The following PLAA variants were observed in gnomAD, a reference collection of about 807,000 sequenced individuals.
PLAA encodes phospholipase A-2-activating protein.
A neutral mutation model predicts 84.1 loss-of-function variants in PLAA; 48 were observed. The ratio of observed to expected loss-of-function variants is 0.57; its 90% confidence interval spans 0.45 to 0.73. PLAA has a LOEUF of 0.73. PLAA is among the 30% of genes least tolerant of loss of function. PLAA has a pLI of 0.00. For synonymous variants in PLAA, 392 were observed against 336.6 expected (o/e 1.16, Z -1.80); for missense variants, 903 against 954.7 (o/e 0.95, Z 0.71).
chr9:26,934,643 A>G lies in PLAA; in HGVS notation c.343+370T>C, dbSNP rs963361252. Among the ~76,000 whole-genome samples the G allele has an allele frequency of 4.1e-4, 63 of 151,816 alleles. 2 individuals carry two copies. The highest frequency in any genetic ancestry group is 1.5e-3 in the African/African-American group (63 of 41,318). ...TACTGGTGGGCATCACCACACCTGGATAATTTTTGTATTTTTAGTAGAGGC... is the reference window on the plus strand; with the variant it reads ...TACTGGTGGGCATCACCACACCTGGGTAATTTTTGTATTTTTAGTAGAGGC... On this transcript the variant is annotated intron_variant, in intron 2 of 13. Coordinates refer to ENST00000397292, the MANE Select transcript of PLAA (RefSeq NM_001031689.3).
At chr9:26,937,663 T>C (rs1825404129) in intron 1 of PLAA, among the ~76,000 whole-genome samples, 1 of 151,898 alleles carries the variant, frequency 6.6e-6, no homozygotes, top group Non-Finnish European at 1.5e-5. Context: ...TCAAGAAAAT[T>C]ATGCATGAAG....
chr9:26,922,297 T>A (rs1390251342), intron 7 of PLAA, among the ~76,000 whole-genome samples: 2 of 150,554 alleles, frequency 1.3e-5, no homozygotes, highest in Admixed American at 6.6e-5. Flanking sequence ...TTTTTTTTTT[T>A]AAACTACAAC....
intron 11 of PLAA, among the ~76,000 whole-genome samples, chr9:26,912,109 G>A (rs1383464425): frequency 1.3e-5 from 2 of 152,148 alleles, no homozygotes; most frequent in Admixed American, 6.5e-5. Context: ...AAGAGTAGGC[G>A]ATCTAGCAAG....
intron 8 of PLAA, among the ~76,000 whole-genome samples, chr9:26,919,743 G>A (rs1366037781): frequency 2.0e-5 from 3 of 152,172 alleles, no homozygotes; most frequent in Non-Finnish European, 2.9e-5. Flanking sequence ...GGATGGGGGT[G>A]AGGATGAAGG....
At position 26,917,111 on chromosome 9, in the gene PLAA, G is replaced by C; in HGVS notation, c.1472C>G (p.Ala491Gly). 6.2e-7 allele frequency: 1 copy of C among 1,613,558 alleles called. No homozygotes were observed. Among genetic ancestry groups the C allele is most frequent in the Non-Finnish European group, 8.5e-7 (1 of 1,179,530 alleles). The part of the protein sequence containing the change: ...SSGSSNTLPT[A>G]DPFTGAGRYV... ...CTACATCCCACCTGTAAAAGGATCT[G>C]CTGTGGGTAGTGTGTTAGAAGATCC... The change falls in exon 10 of 14, where the codon GCA (alanine) becomes GGA (glycine). Residue 491 changes from alanine to glycine, a missense_variant. By Grantham distance (60) the Ala-to-Gly change is moderately conservative (BLOSUM62 0). Coordinates refer to ENST00000397292, the MANE Select transcript of PLAA (RefSeq NM_001031689.3).
intron 10 of PLAA, chr9:26,915,904 T>C: frequency 1.0e-6 from 1 of 985,416 alleles, no homozygotes; most frequent in Non-Finnish European, 1.2e-6. Flanking sequence ...TTTCAGGGCA[T>C]CACTGTTTCT....
At position 26,905,853 on chromosome 9, in the gene PLAA, T is replaced by C. The variant is rs1259947925; in HGVS notation, c.2046A>G (p.Ser682=). The change falls in exon 14 of 14, where the codon TCA becomes TCG. Residue 682 remains serine, a synonymous_variant. Coordinates refer to ENST00000397292, the MANE Select transcript of PLAA (RefSeq NM_001031689.3). ...TCAGTTCTATTGCATGGGACATCAGTGATTCCCTCTGGGACATCATGAGTT... is the reference window on the plus strand; with the variant it reads ...TCAGTTCTATTGCATGGGACATCAGCGATTCCCTCTGGGACATCATGAGTT... ...GQKLMMSQRE[S]LMSHAIELKS... is the part of the protein sequence containing the mutation. The C allele has an allele frequency of 6.2e-7, 1 of 1,613,930 alleles. No homozygotes were observed. Among genetic ancestry groups the C allele is most frequent in the African/African-American group, 1.3e-5 (1 of 74,934 alleles).
intron 1 of PLAA, among the ~76,000 whole-genome samples, chr9:26,945,520 C>G (rs1241098789): frequency 6.6e-6 from 1 of 152,204 alleles, no homozygotes; most frequent in East Asian, 1.9e-4. Flanking sequence ...CTATCCCTAG[C>G]CTAGTGGACC....
chr9:26,937,862 A>C (rs936757747), intron 1 of PLAA, among the ~76,000 whole-genome samples: 3 of 126,844 alleles, frequency 2.4e-5, no homozygotes, highest in African/African-American at 8.8e-5. Context: ...AGAACACAAA[A>C]AAAGACTGAA....
In PLAA at chr9:26,941,359, C is replaced by T. The variant is rs114465951; in HGVS notation, c.149+5538G>A. On this transcript the variant is annotated intron_variant, in intron 1 of 13. Coordinates refer to ENST00000397292, the MANE Select transcript of PLAA (RefSeq NM_001031689.3). ...ATATTCCTACTGGAGCCCAAGACCA[C>T]CAAAAGAAAACCCTGGAAACCATAC... 3.0e-3 allele frequency among the ~76,000 whole-genome samples: 463 copies of T among 152,050 alleles called. 1 individual carries two copies. The highest frequency in any genetic ancestry group is 0.011 in the African/African-American group (440 of 41,452).
chr9:26,944,796 A>T (rs1197115562), intron 1 of PLAA, among the ~76,000 whole-genome samples: 1 of 152,202 alleles, frequency 6.6e-6, no homozygotes, highest in Non-Finnish European at 1.5e-5. Context: ...GTGTTAGATA[A>T]ATACATACAG....
chr9:26,919,343 G>C lies in PLAA; in HGVS notation c.1384C>G (p.Leu462Val), dbSNP rs773752338. ...GGATCTGAAAAGCTGGGATTCCCAA[G>C]TCCCAACATTTGACCTTTTGTGTTA... ...IDNTKGQMLGLGNPSFSDPFT... is the reference protein window; with the variant it reads ...IDNTKGQMLGVGNPSFSDPFT... Residue 462 changes from leucine (L) to valine (V), a missense_variant, in exon 9 of 14, where the codon CTT becomes GTT. Coordinates refer to ENST00000397292, the MANE Select transcript of PLAA (RefSeq NM_001031689.3). The C allele has an allele frequency of 5.0e-6, 8 of 1,611,204 alleles. No individual in the cohort carries two copies. The South Asian group carries it at 7.7e-5, about 16-fold the overall frequency.
At chr9:26,920,919 T>C (rs1824738389) in intron 7 of PLAA, among the ~76,000 whole-genome samples, 1 of 152,136 alleles carries the variant, frequency 6.6e-6, no homozygotes, top group African/African-American at 2.4e-5. Flanking sequence ...TCCTGTACTC[T>C]TGGCCCCCGA....
intron 12 of PLAA, among the ~76,000 whole-genome samples, chr9:26,909,780 C>T (rs752970781): frequency 1.5e-4 from 23 of 152,100 alleles, no homozygotes; most frequent in African/African-American, 5.3e-4. Context: ...CCCACCACCA[C>T]GCCCGGCTAA....
chr9:26,934,770 CT>C (rs1825305415), intron 2 of PLAA, among the ~76,000 whole-genome samples: 1 of 152,038 alleles, frequency 6.6e-6, no homozygotes, highest in Non-Finnish European at 1.5e-5. Context: ...TGAGCCACCG[CT>C]CCCGGCCAAT....
rs372182275 is a variant in PLAA at position 26,923,573 on chromosome 9, T to C, written c.870-226A>G. 2.0e-5 allele frequency among the ~76,000 whole-genome samples: 3 copies of C among 152,362 alleles called. No individual in the cohort carries two copies. The East Asian group carries it at 5.8e-4, about 29-fold the overall frequency. ...ACAAAGAACAGAGAAACATGTATTT[T>C]ATACAATTTCCAAGTTAAATATTTA... On this transcript the variant is annotated intron_variant, in intron 6 of 13. Coordinates refer to ENST00000397292, the MANE Select transcript of PLAA (RefSeq NM_001031689.3).
intron 2 of PLAA, among the ~76,000 whole-genome samples, chr9:26,934,699 G>A (rs142494423): frequency 4.5e-4 from 68 of 151,914 alleles, no homozygotes; most frequent in African/African-American, 1.5e-3. Context: ...AGGCTGGTCC[G>A]AACTCCTGGC....
At chr9:26,942,483 G>C (rs910712217) in intron 1 of PLAA, among the ~76,000 whole-genome samples, 1 of 152,208 alleles carries the variant, frequency 6.6e-6, no homozygotes, top group Non-Finnish European at 1.5e-5. Flanking sequence ...TACATAGTAA[G>C]CTAAGCAAAT....
intron 6 of PLAA, 90 bp downstream of exon 6, chr9:26,925,735 T>G: frequency 3.4e-6 from 4 of 1,161,360 alleles, no homozygotes; most frequent in Non-Finnish European, 5.0e-6. Context: ...TCAAGTCACG[T>G]GAAATTCCTT....
Sources: allele counts gnomAD v4.1 joint callset (sites outside exome capture counted in the v4.1 genomes callset), GRCh38; gene constraint gnomAD v4.1.1; transcripts MANE v1.5; gene names NCBI Gene and HGNC (gene_info 2026-07-23, HGNC 2026-07-21).